CSGALNACT2: variants seen among roughly 807,000 people sequenced by gnomAD.
CSGALNACT2 encodes beta 4 GalNAcT-2.
In CSGALNACT2, 35 loss-of-function variants were observed where a neutral mutation model predicts 55.3. The observed-to-expected ratio is 0.63, with a 90% CI of 0.48 to 0.84. CSGALNACT2 has a LOEUF of 0.84. Ranked by LOEUF, CSGALNACT2 falls within the 40% of genes least tolerant of loss-of-function variation. CSGALNACT2 has a pLI of 0.00. For missense variants in CSGALNACT2, 544 were observed against 657.5 expected (o/e 0.83, Z 1.89); for synonymous variants, 196 against 224.9 (o/e 0.87, Z 1.15).
chr10:43,143,812 G>A (rs1838684851), intron 1 of CSGALNACT2, among the ~76,000 whole-genome samples: 1 of 152,038 alleles, frequency 6.6e-6, no homozygotes, highest in South Asian at 2.1e-4. Flanking sequence ...ACTTGTCCTT[G>A]GTACTCAGCA....
intron 1 of CSGALNACT2, among the ~76,000 whole-genome samples, chr10:43,153,989 C>T (rs1053471451): frequency 1.3e-5 from 2 of 152,156 alleles, no homozygotes; most frequent in African/African-American, 4.8e-5. Flanking sequence ...AAATAATCTA[C>T]TGGAGGACAT....
Position 43,183,882 on chromosome 10 carries a change from A to G in CSGALNACT2, c.*340A>G, listed in dbSNP as rs1000580457. ...ATTGCATCTAGGTGGAGCGGATGGA[A>G]TGTGCTGGGCCACTGTTGGGTGGAG... On this transcript the variant is annotated 3_prime_UTR_variant, in exon 8 of 8. Coordinates refer to ENST00000374466, the MANE Select transcript of CSGALNACT2 (RefSeq NM_018590.5). 5 of 319,112 alleles carry G rather than the reference A, an allele frequency of 1.6e-5. No homozygotes were observed. Among genetic ancestry groups the G allele is most frequent in the African/African-American group, 1.1e-4 (5 of 46,854 alleles). 19.8% of individuals were successfully genotyped at this position (319,112 alleles called of 1,614,324 possible). A position where few individuals can be genotyped will look rare whatever the true frequency, so the allele number is the denominator to read the frequency against.
chr10:43,160,469 A>C, intron 3 of CSGALNACT2, 25 bp from the exon 4 acceptor site: 1 of 1,216,708 alleles, frequency 8.2e-7, no homozygotes, highest in South Asian at 1.3e-5. Context: ...TTCTTGAATA[A>C]ACTTTTATTT....
intron 5 of CSGALNACT2, among the ~76,000 whole-genome samples, chr10:43,165,710 G>A (rs922219209): frequency 6.6e-6 from 1 of 152,160 alleles, no homozygotes; most frequent in Admixed American, 6.5e-5. Context: ...TATTAAAGAG[G>A]CTGGGCGTGG....
chr10:43,169,934 A>C (rs1221094556), intron 6 of CSGALNACT2, among the ~76,000 whole-genome samples: 1 of 152,234 alleles, frequency 6.6e-6, no homozygotes, highest in Non-Finnish European at 1.5e-5. Flanking sequence ...TCAACCTACT[A>C]TTTTAGGACA....
intron 1 of CSGALNACT2, among the ~76,000 whole-genome samples, chr10:43,141,747 G>C (rs1176421877): frequency 1.3e-5 from 2 of 150,724 alleles, no homozygotes; most frequent in East Asian, 3.9e-4. Context: ...AATAGGAAAA[G>C]AAGAAATAAC....
At chr10:43,159,493 C>G (rs1839098010) in intron 3 of CSGALNACT2, among the ~76,000 whole-genome samples, 1 of 151,948 alleles carries the variant, frequency 6.6e-6, no homozygotes, top group South Asian at 2.1e-4. Flanking sequence ...GCCATGTTGT[C>G]CAGGCTGGAA....
chr10:43,184,569 T>C lies in CSGALNACT2; in HGVS notation c.*1027T>C. On this transcript the variant is annotated 3_prime_UTR_variant, in exon 8 of 8. Transcript: ENST00000374466. ...CATTGTGGAGAGAAAAAGCAAATGG[T>C]ATGCCACAAGATCACTCTGATTTGA... 1 of 152,196 alleles carries C rather than the reference T, an allele frequency of 6.6e-6. No homozygotes were observed. The highest frequency in any genetic ancestry group is 1.5e-5 in the Non-Finnish European group (1 of 68,026). 9.4% of individuals were successfully genotyped at this position (152,196 alleles called of 1,614,324 possible). A position where few individuals can be genotyped will look rare whatever the true frequency, so the allele number is the denominator to read the frequency against.
chr10:43,174,204 CAA>C, intron 6 of CSGALNACT2, among the ~76,000 whole-genome samples: 1 of 139,382 alleles, frequency 7.2e-6, no homozygotes, highest in African/African-American at 2.6e-5. Flanking sequence ...CCCCTCAGCT[CAA>C]AAAAAAAAAA....
rs117253622 is a variant in CSGALNACT2 at position 43,156,762 on chromosome 10, A to G, written c.661+952A>G. ...CAACAGAGTTTGCTCTACTTTGAGA[A>G]TCCAGTGCAGCCACTGATCCGACAG... On this transcript the variant is annotated intron_variant, in intron 2 of 7. Coordinates refer to ENST00000374466, the MANE Select transcript of CSGALNACT2 (RefSeq NM_018590.5). Among the ~76,000 whole-genome samples, 22 of 152,340 alleles carry G rather than the reference A, an allele frequency of 1.4e-4. No individual in the cohort carries two copies. In the East Asian group the frequency reaches 4.0e-3, roughly 28 times the overall value.
At position 43,175,934 on chromosome 10, in the gene CSGALNACT2, T is replaced by C. The variant is rs200528769; in HGVS notation, c.1255-17T>C. On this transcript the variant is annotated splice_polypyrimidine_tract_variant and intron_variant, in intron 6 of 7. Coordinates refer to ENST00000374466, the MANE Select transcript of CSGALNACT2 (RefSeq NM_018590.5). Reference sequence around the variant, plus strand: ...TATGGAATTAAATTGTTTTCTGTTTTTTTTTTTTTAACTAAGGTTCACAAA... The same window carrying C: ...TATGGAATTAAATTGTTTTCTGTTTCTTTTTTTTTAACTAAGGTTCACAAA... The C allele has an allele frequency of 1.9e-6, 3 of 1,580,198 alleles. No individual in the cohort carries two copies. The highest frequency in any genetic ancestry group is 1.7e-6 in the Non-Finnish European group (2 of 1,167,418).
At chr10:43,163,672 T>C in intron 4 of CSGALNACT2, 194 bp from the exon 5 acceptor site, 3 of 985,448 alleles carry the variant, frequency 3.0e-6, no homozygotes, top group Non-Finnish European at 3.6e-6. Flanking sequence ...GTGCCTCAAA[T>C]TGGGCATTTG....
intron 7 of CSGALNACT2, among the ~76,000 whole-genome samples, chr10:43,181,717 G>T (rs967732954): frequency 3.3e-5 from 5 of 150,196 alleles, no homozygotes; most frequent in African/African-American, 1.2e-4. Flanking sequence ...GATGGAGGCT[G>T]CAGTGAGCTA....
chr10:43,158,397 T>G (rs982492320), intron 2 of CSGALNACT2, among the ~76,000 whole-genome samples: 2 of 151,996 alleles, frequency 1.3e-5, no homozygotes, highest in African/African-American at 2.4e-5. Context: ...TTGCTAGAAG[T>G]AATTTCTTTA....
chr10:43,176,065 T>C (rs778999753), intron 7 of CSGALNACT2, 33 bp downstream of exon 7: 22 of 1,507,494 alleles, frequency 1.5e-5, no homozygotes, highest in Non-Finnish European at 1.7e-5. Flanking sequence ...GATAGGACTT[T>C]ATTTACTCCA....
chr10:43,158,789 AG>A lies in CSGALNACT2; in HGVS notation c.737del (p.Arg246AsnfsTer3). 7 of 1,612,132 alleles carry A rather than the reference AG, an allele frequency of 4.3e-6. No homozygotes were observed. Among genetic ancestry groups the A allele is most frequent in the Non-Finnish European group, 5.9e-6 (7 of 1,178,370 alleles). On this transcript the variant is annotated frameshift_variant, in exon 3 of 8. Transcript: ENST00000374466. LOFTEE classifies it high-confidence loss of function. Reference sequence around the variant, plus strand: ...TAAGAAAGCAGACCTTACGGAATATAGACATGTGACCCTCTTCCGCCCTTTT... The same window carrying A: ...TAAGAAAGCAGACCTTACGGAATATAACATGTGACCCTCTTCCGCCCTTTT... ...FFKKADLTEYRHVTLFRPFGP... is the reference protein window; with the variant it reads ...FFKKADLTEYXHVTLFRPFGP...
Position 43,160,558 on chromosome 10 carries a change from C to A in CSGALNACT2, c.943C>A (p.Leu315Met). The change falls in exon 4 of 8, where the codon CTG becomes ATG. Residue 315 changes from leucine to methionine, a missense_variant. By Grantham distance (15) the Leu-to-Met change is conservative. Around this residue, in one of 2 missense-constraint regions of CSGALNACT2, gnomAD observed 374 missense variants for 401.3 expected, o/e 0.93. Transcript: ENST00000374466. ...AGTGGTGTATTTTGGTAAAGAAGGA[C>A]TGTCTAAAGTCAAGTCTATCCTAGA... ...LTVVYFGKEGLSKVKSILESV... is the reference protein window; with the variant it reads ...LTVVYFGKEGMSKVKSILESV... 6.3e-7 allele frequency: 1 copy of A among 1,591,716 alleles called. No individual in the cohort carries two copies. The highest frequency in any genetic ancestry group is 8.6e-7 in the Non-Finnish European group (1 of 1,160,260).
rs995896844 is a variant in CSGALNACT2, at chr10:43,171,231, A to G, written c.1254+4133A>G. 3.9e-5 allele frequency among the ~76,000 whole-genome samples: 6 copies of G among 152,210 alleles called. 1 individual carries two copies. In the South Asian group the frequency reaches 1.0e-3, roughly 26 times the overall value. ...CAGGAACTCTCTTTACTGTTTTGCA[A>G]CTTCTTTGTAAATCTAAAATTATTC... On this transcript the variant is annotated intron_variant, in intron 6 of 7. Transcript: ENST00000374466.
rs1838703591 is a variant in CSGALNACT2 at position 43,144,593 on chromosome 10, C to T, written c.-254+6026C>T. On this transcript the variant is annotated intron_variant, in intron 1 of 7. Coordinates refer to ENST00000374466, the MANE Select transcript of CSGALNACT2 (RefSeq NM_018590.5). ...TTTTTTTGTTGTTGTTTTACAAATGCCTTTTTGGCACTGCTACTGAATCTG... is the reference window on the plus strand; with the variant it reads ...TTTTTTTGTTGTTGTTTTACAAATGTCTTTTTGGCACTGCTACTGAATCTG... 5.9e-5 allele frequency among the ~76,000 whole-genome samples: 9 copies of T among 152,110 alleles called. No homozygotes were observed. The South Asian group carries it at 1.7e-3, about 28-fold the overall frequency.
Sources: gnomAD v4.1 joint callset for allele counts (sites outside exome capture counted in the v4.1 genomes callset) on GRCh38, gnomAD v4.1.1 for gene constraint, gnomAD v4.1.1 regional missense constraint, MANE v1.5 for transcripts, NCBI Gene and HGNC (gene_info 2026-07-23, HGNC 2026-07-21) for gene names.